The following TOGARAM1 variants were observed in gnomAD, a reference collection of about 807,000 sequenced individuals.
The protein encoded by TOGARAM1 is TOG array regulator of axonemal microtubules protein 1.
In TOGARAM1, 100 loss-of-function variants were observed where a neutral mutation model predicts 166.6. The ratio of observed to expected loss-of-function variants is 0.60; its 90% CI spans 0.51 to 0.71. The LOEUF is 0.71. Among genes scored for constraint, TOGARAM1 ranks in the 30% least tolerant of loss-of-function variants. TOGARAM1 has a pLI of 0.00. For missense variants in TOGARAM1, 2,029 were observed against 2,102.7 expected, an observed-to-expected ratio of 0.96 and a Z score of 0.69; for synonymous variants, 758 against 763.8, an observed-to-expected ratio of 0.99 and a Z score of 0.13.
At chr14:45,050,587 C>G (rs1002050517) in intron 14 of TOGARAM1, among the ~76,000 whole-genome samples, 6 of 151,404 alleles carry the variant, frequency 4.0e-5, no homozygotes, top group Admixed American at 1.3e-4. Flanking sequence ...CTGTATCCCC[C>G]CAATCCACAA....
chr14:45,047,814 G>A (rs951867533), intron 14 of TOGARAM1, among the ~76,000 whole-genome samples: 1 of 152,010 alleles, frequency 6.6e-6, no homozygotes, highest in African/African-American at 2.4e-5. Flanking sequence ...CCAGCACTTT[G>A]GGAGGTGGAG....
At chr14:44,981,200 T>G (rs1159546057) in intron 1 of TOGARAM1, among the ~76,000 whole-genome samples, 1 of 152,176 alleles carries the variant, frequency 6.6e-6, no homozygotes, top group Non-Finnish European at 1.5e-5. Context: ...AGACTGTTAT[T>G]TAAGAGACAT....
chr14:44,983,312 A>T (rs1348987453), intron 1 of TOGARAM1, among the ~76,000 whole-genome samples: 1 of 152,234 alleles, frequency 6.6e-6, no homozygotes, highest in Non-Finnish European at 1.5e-5. Context: ...CAAAGAGAAG[A>T]TGACTTAAAA....
intron 11 of TOGARAM1, among the ~76,000 whole-genome samples, chr14:45,039,207 G>C (rs925739885): frequency 7.9e-5 from 12 of 152,194 alleles, no homozygotes; most frequent in African/African-American, 2.9e-4. Context: ...TTAGAGGGTA[G>C]CTTTTCTCCA....
intron 1 of TOGARAM1, among the ~76,000 whole-genome samples, chr14:44,989,897 T>C (rs1431515805): frequency 6.6e-6 from 1 of 152,072 alleles, no homozygotes; most frequent in African/African-American, 2.4e-5. Flanking sequence ...CTTACAATCA[T>C]AGTGGAAGGA....
chr14:45,045,022 C>A, intron 13 of TOGARAM1, 152 bp downstream of exon 13: 2 of 505,646 alleles, frequency 4.0e-6, no homozygotes, highest in Non-Finnish European at 6.8e-6. Flanking sequence ...TACTACATGC[C>A]GAATATGAAA....
intron 16 of TOGARAM1, among the ~76,000 whole-genome samples, chr14:45,061,719 GTGA>G (rs1882909974): frequency 6.6e-6 from 1 of 151,464 alleles, no homozygotes; most frequent in Non-Finnish European, 1.5e-5. Context: ...GCCCCACTTG[GTGA>G]TGATGATGTG....
In TOGARAM1 at chr14:45,012,004, A is replaced by C; in HGVS notation, c.3167A>C (p.Lys1056Thr). 6.2e-7 allele frequency: 1 copy of C among 1,610,688 alleles called. No individual in the cohort carries two copies. The highest frequency in any genetic ancestry group is 1.3e-5 in the African/African-American group (1 of 74,870). Residue 1056 changes from lysine (K) to threonine (T), a missense_variant, in exon 7 of 20, where the codon AAA becomes ACA. Around this residue, in one of 2 missense-constraint regions of TOGARAM1, gnomAD observed 1,453 missense variants for 1,432.2 expected, o/e 1.01. Coordinates refer to ENST00000361462, the MANE Select transcript of TOGARAM1 (RefSeq NM_001308120.2). ...GACATATTTCCAACATTTGGGTCAA[A>C]ACCTTGTCCAACAAGACTTTCTTCT... ...MSDIFPTFGS[K>T]PCPTRLSSAK...
chr14:44,984,259 G>A (rs891271235), intron 1 of TOGARAM1, among the ~76,000 whole-genome samples: 9 of 151,656 alleles, frequency 5.9e-5, no homozygotes, highest in Admixed American at 2.6e-4. Context: ...ATTTAAAACA[G>A]ACTAAAGACA....
At position 45,032,276 on chromosome 14, in the gene TOGARAM1, A is replaced by G. The variant is rs1350910141; in HGVS notation, c.3712A>G (p.Thr1238Ala). Residue 1238 changes from threonine (T) to alanine (A), a missense_variant, in exon 11 of 20, where the codon ACT becomes GCT. By Grantham distance (58) the Thr-to-Ala change is moderately conservative. Coordinates refer to ENST00000361462, the MANE Select transcript of TOGARAM1 (RefSeq NM_001308120.2). ...GTATAAAGAAAGGATGCCTTCTGTCACTCATAGTCCAGAAATAATGGATCT... is the reference window on the plus strand; with the variant it reads ...GTATAAAGAAAGGATGCCTTCTGTCGCTCATAGTCCAGAAATAATGGATCT... ...SQYKERMPSV[T>A]HSPEIMDLSE... 6.2e-7 allele frequency: 1 copy of G among 1,613,826 alleles called. No individual in the cohort carries two copies. The highest frequency in any genetic ancestry group is 1.1e-5 in the South Asian group (1 of 91,072).
At chr14:45,066,506 T>A (rs375625784) in intron 16 of TOGARAM1, 72 bp from the exon 17 acceptor site, 153 of 1,359,504 alleles carry the variant, frequency 1.1e-4, no homozygotes, top group Admixed American at 4.0e-4. Context: ...ATGAGATTTT[T>A]AAATTATGTT....
chr14:45,011,390 G>A (rs190104454), intron 6 of TOGARAM1, among the ~76,000 whole-genome samples: 19 of 152,264 alleles, frequency 1.2e-4, no homozygotes, highest in African/African-American at 4.3e-4. Flanking sequence ...TCAGCTCACT[G>A]CAACCCCTGC....
intron 1 of TOGARAM1, among the ~76,000 whole-genome samples, chr14:44,975,775 C>CTT (rs34089963): frequency 7.8e-6 from 1 of 128,080 alleles, no homozygotes. Flanking sequence ...CTTCCCCTGC[C>CTT]TTTTTTTTTT....
intron 11 of TOGARAM1, among the ~76,000 whole-genome samples, chr14:45,041,200 C>T (rs1467744224): frequency 5.3e-5 from 8 of 151,922 alleles, no homozygotes; most frequent in Admixed American, 1.3e-4. Flanking sequence ...GTCAGGAGTT[C>T]GAGATCACCT....
rs746809387 is a variant in TOGARAM1, at chr14:44,962,527, A to G, written c.106A>G (p.Ser36Gly). The G allele has an allele frequency of 3.7e-6, 6 of 1,613,576 alleles. No individual in the cohort carries two copies. Among genetic ancestry groups the G allele is most frequent in the Non-Finnish European group, 5.1e-6 (6 of 1,179,912 alleles). The change falls in exon 1 of 20, where the codon AGT becomes GGT. Residue 36 changes from serine (S) to glycine (G), a missense_variant. Coordinates refer to ENST00000361462, the MANE Select transcript of TOGARAM1 (RefSeq NM_001308120.2). ...TCCTTCCGCCCCAGAGACCGATGAT[A>G]GTCGAGTTGGGGGCATTATGAGAGG... ...SRPSAPETDDSRVGGIMRGEK... is the reference protein window; with the variant it reads ...SRPSAPETDDGRVGGIMRGEK...
intron 4 of TOGARAM1, among the ~76,000 whole-genome samples, chr14:45,005,472 G>A (rs961950660): frequency 2.6e-5 from 4 of 151,984 alleles, no homozygotes; most frequent in South Asian, 2.1e-4. Flanking sequence ...AAAATTAGCC[G>A]GGCTGATGGC....
chr14:45,068,358 G>C, intron 17 of TOGARAM1, 66 bp from the exon 18 acceptor site: 1 of 1,128,070 alleles, frequency 8.9e-7, no homozygotes, highest in Admixed American at 2.5e-5. Context: ...GACATGCCAA[G>C]ATACTTATAA....
chr14:45,058,954 G>A (rs1191735172), intron 16 of TOGARAM1, among the ~76,000 whole-genome samples: 2 of 151,822 alleles, frequency 1.3e-5, no homozygotes, highest in East Asian at 3.9e-4. Flanking sequence ...AGCAAATATC[G>A]ACCTTTGTTT....
At chr14:44,998,269 A>G (rs1594637849) in intron 2 of TOGARAM1, among the ~76,000 whole-genome samples, 2 of 152,344 alleles carry the variant, frequency 1.3e-5, no homozygotes, top group East Asian at 3.9e-4. Flanking sequence ...TCCTAATTGT[A>G]CAGATTCTAA....
Sources: allele counts gnomAD v4.1 joint callset (sites outside exome capture counted in the v4.1 genomes callset), GRCh38; gene constraint gnomAD v4.1.1; regional missense constraint gnomAD v4.1.1; transcripts MANE v1.5; gene names NCBI Gene and HGNC (gene_info 2026-07-23, HGNC 2026-07-21).